Variants in MACROD2 observed in about 807,000 individuals in gnomAD.
MACROD2 encodes the protein mono-ADP ribosylhydrolase 2.
Under a neutral mutation model 70.4 loss-of-function variants are expected in MACROD2, and 36 were observed. The observed-to-expected ratio is 0.51, with a 90% CI of 0.39 to 0.68. The LOEUF (loss-of-function observed/expected upper bound fraction) is 0.68. Among genes scored for constraint, MACROD2 ranks in the 30% least tolerant of loss-of-function variants. The pLI, the probability that MACROD2 is intolerant of heterozygous loss-of-function variation, is 0.00. For synonymous variants in MACROD2, 172 were observed against 178.8 expected (o/e 0.96, Z 0.30); for missense variants, 496 against 538.4 (o/e 0.92, Z 0.78).
At chr20:15,775,545 A>G (rs931895871) in intron 8 of MACROD2, among the ~76,000 whole-genome samples, 1 of 152,134 alleles carries the variant, frequency 6.6e-6, no homozygotes, top group Non-Finnish European at 1.5e-5. Flanking sequence ...AGCAGTTTTC[A>G]AGCTTATTTT....
At chr20:15,537,467 CTTT>C (rs35857138) in intron 8 of MACROD2, among the ~76,000 whole-genome samples, 2,272 of 89,876 alleles carry the variant, frequency 0.025, 44 homozygotes, top group East Asian at 0.17. Flanking sequence ...TCCCACTCAT[CTTT>C]TTTTTTTTTT....
intron 5 of MACROD2, among the ~76,000 whole-genome samples, chr20:14,994,997 C>G (rs903449272): frequency 2.0e-5 from 3 of 151,868 alleles, no homozygotes; most frequent in Non-Finnish European, 2.9e-5. Flanking sequence ...AAAGTAACAA[C>G]AAATTTAGTT....
intron 8 of MACROD2, among the ~76,000 whole-genome samples, chr20:15,559,176 G>C (rs1340081199): frequency 2.2e-5 from 3 of 136,874 alleles, no homozygotes; most frequent in African/African-American, 8.3e-5. Context: ...GCAGTGAGTC[G>C]AGATCGCGCC....
At chr20:14,299,451 G>T (rs1380560999) in intron 3 of MACROD2, among the ~76,000 whole-genome samples, 1 of 152,100 alleles carries the variant, frequency 6.6e-6, no homozygotes, top group Non-Finnish European at 1.5e-5. Context: ...TATGGGTGAG[G>T]AGTTGCTTCT....
At chr20:15,456,304 C>G (rs2046725375) in intron 7 of MACROD2, among the ~76,000 whole-genome samples, 1 of 152,146 alleles carries the variant, frequency 6.6e-6, no homozygotes, top group Non-Finnish European at 1.5e-5. Flanking sequence ...CAGTTCCTTC[C>G]CCTGGGAGAA....
At chr20:14,230,686 T>TATAAAAACACAGGCTGGGCCC (rs2081800835) in intron 3 of MACROD2, among the ~76,000 whole-genome samples, 2 of 120,946 alleles carry the variant, frequency 1.7e-5, no homozygotes, top group African/African-American at 6.7e-5. Flanking sequence ...TATATATATA[T>TATAAAAACACAGGCTGGGCCC]ATATATATAT....
At chr20:16,033,911 C>A (rs189589940) in intron 15 of MACROD2, among the ~76,000 whole-genome samples, 1 of 151,952 alleles carries the variant, frequency 6.6e-6, no homozygotes, top group Admixed American at 6.6e-5. Flanking sequence ...AAATCAAAGG[C>A]ATACTCAATG....
chr20:14,785,758 G>T (rs891312095), intron 5 of MACROD2, among the ~76,000 whole-genome samples: 4 of 152,044 alleles, frequency 2.6e-5, no homozygotes, highest in African/African-American at 9.7e-5. Context: ...TAATCTGGGA[G>T]ATCCATGATC....
chr20:14,681,639 A>G (rs2070934060), intron 4 of MACROD2, among the ~76,000 whole-genome samples: 1 of 152,146 alleles, frequency 6.6e-6, no homozygotes, highest in Non-Finnish European at 1.5e-5. Context: ...GTTCAGGGAA[A>G]GGTTTTGTAT....
intron 5 of MACROD2, among the ~76,000 whole-genome samples, chr20:14,896,576 G>A (rs2073832398): frequency 6.6e-6 from 1 of 151,586 alleles, no homozygotes; most frequent in Non-Finnish European, 1.5e-5. Flanking sequence ...TACTTATTCT[G>A]ATACCCTCCT....
intron 8 of MACROD2, among the ~76,000 whole-genome samples, chr20:15,775,393 G>C (rs1168570433): frequency 1.3e-5 from 2 of 152,074 alleles, no homozygotes; most frequent in African/African-American, 4.8e-5. Context: ...AAAAGGAAGG[G>C]CAGCCTCAGG....
chr20:14,326,609 G>C lies in MACROD2; in HGVS notation c.272-166870G>C. ...TACCAGGGATTGTTGCGAAGAATCA[G>C]TTGTGTTATATTGTCCAAATCATCA... On this transcript the variant is annotated intron_variant, in intron 3 of 17. Transcript: ENST00000684519. The surrounding 1 kb of genome is among the most constrained non-coding windows in gnomAD (Gnocchi z 5.5). The C allele has an allele frequency of 1.2e-6, 2 of 1,613,856 alleles. No homozygotes were observed. The highest frequency in any genetic ancestry group is 2.2e-5 in the East Asian group (1 of 44,860).
intron 6 of MACROD2, among the ~76,000 whole-genome samples, chr20:15,359,153 CTT>C (rs1206051229): frequency 1.3e-5 from 2 of 152,058 alleles, no homozygotes; most frequent in East Asian, 1.9e-4. Context: ...ACATTTATAA[CTT>C]AATGTAATTT....
At chr20:14,918,352 T>C (rs1252804574) in intron 5 of MACROD2, among the ~76,000 whole-genome samples, 1 of 152,122 alleles carries the variant, frequency 6.6e-6, no homozygotes, top group Non-Finnish European at 1.5e-5. Flanking sequence ...CAGAAGTTAA[T>C]GATCCAGAAG....
chr20:15,694,800 T>A (rs1600769825), intron 8 of MACROD2, among the ~76,000 whole-genome samples: 1 of 152,362 alleles, frequency 6.6e-6, no homozygotes, highest in South Asian at 2.1e-4. Flanking sequence ...CCTAAGCTAA[T>A]GTCTAGAAGA....
At chr20:15,725,245 C>A (rs2050844070) in intron 8 of MACROD2, among the ~76,000 whole-genome samples, 1 of 152,172 alleles carries the variant, frequency 6.6e-6, no homozygotes, top group Non-Finnish European at 1.5e-5. Flanking sequence ...CTCTTTAGTT[C>A]TTTTTAAATT....
chr20:15,354,205 G>A (rs529117423), intron 6 of MACROD2, among the ~76,000 whole-genome samples: 31 of 151,986 alleles, frequency 2.0e-4, no homozygotes, highest in Non-Finnish European at 3.2e-4. Context: ...TTGTAGGGAC[G>A]TGGATGAAGC....
intron 8 of MACROD2, among the ~76,000 whole-genome samples, chr20:15,723,233 A>G (rs773607542): frequency 5.3e-5 from 8 of 152,310 alleles, no homozygotes; most frequent in Non-Finnish European, 1.0e-4. Context: ...CCCATTTGCA[A>G]CATCTTTCGT....
At position 16,050,244 on chromosome 20, in the gene MACROD2, A is replaced by T. The variant is rs562768261; in HGVS notation, c.*368A>T. Reference sequence around the variant, plus strand: ...TTGGTTATTTCACAAAGCTGGTCACACAGTGGTTTATTCAAAGGAAGGGGA... The same window carrying T: ...TTGGTTATTTCACAAAGCTGGTCACTCAGTGGTTTATTCAAAGGAAGGGGA... On this transcript the variant is annotated 3_prime_UTR_variant, in exon 18 of 18. Transcript: ENST00000684519. The T allele has an allele frequency of 5.7e-6, 1 of 175,056 alleles. No homozygotes were observed. The highest frequency in any genetic ancestry group is 1.4e-4 in the South Asian group (1 of 7,394). The allele number at this position is 175,056 out of a possible 1,614,324, so 10.8% of individuals were successfully genotyped here. A position where few individuals can be genotyped will look rare whatever the true frequency, so the allele number is the denominator to read the frequency against.
Sources: gnomAD v4.1 joint callset for allele counts (sites outside exome capture counted in the v4.1 genomes callset) on GRCh38, gnomAD v4.1.1 for gene constraint, Gnocchi (gnomAD v3.1) non-coding constraint, MANE v1.5 for transcripts, NCBI Gene and HGNC (gene_info 2026-07-23, HGNC 2026-07-21) for gene names.